DCDC1: variants seen among roughly 807,000 people sequenced by gnomAD.
The protein encoded by DCDC1 is doublecortin domain-containing protein 1.
Under a neutral mutation model 178.3 loss-of-function variants are expected in DCDC1, and 200 were observed. That is an observed-to-expected ratio of 1.12 (90% CI 1.00 to 1.26). DCDC1 has a LOEUF of 1.26. Among genes scored for constraint, DCDC1 ranks in the 50% most tolerant of loss-of-function variants. DCDC1 has a pLI of 0.00. For synonymous variants in DCDC1, 690 were observed against 604.8 expected (o/e 1.14, Z -2.07); for missense variants, 1,983 against 1,749.2 (o/e 1.13, Z -2.38).
intron 20 of DCDC1, among the ~76,000 whole-genome samples, chr11:31,059,836 T>G (rs1274072666): frequency 6.6e-6 from 1 of 152,112 alleles, no homozygotes; most frequent in African/African-American, 2.4e-5. Flanking sequence ...AGTACTCTTA[T>G]GCTACTGTAT....
In DCDC1 at chr11:31,100,722, C is replaced by T. The variant is rs138431244; in HGVS notation, c.1983+1455G>A. On this transcript the variant is annotated intron_variant, in intron 15 of 38. Coordinates refer to ENST00000684477, the MANE Select transcript of DCDC1 (RefSeq NM_001387274.1). The stretch of plus-strand genomic sequence containing the variant: ...GAAAATTGGAAAGGTAAGTTGAGAG[C>T]GGAGGTAGATTAGAGGAGAATCATG... 4.3e-3 allele frequency among the ~76,000 whole-genome samples: 649 copies of T among 152,096 alleles called. 3 individuals carry two copies. Among genetic ancestry groups the T allele is most frequent in the South Asian group, 0.018 (86 of 4,806 alleles).
At chr11:30,886,968 AT>A (rs1168415083) in intron 36 of DCDC1, among the ~76,000 whole-genome samples, 4 of 152,176 alleles carry the variant, frequency 2.6e-5, no homozygotes, top group African/African-American at 4.8e-5. Flanking sequence ...ACAGAAAAAA[AT>A]ATATAAATAA....
intron 20 of DCDC1, among the ~76,000 whole-genome samples, chr11:30,964,079 G>GT (rs1007934426): frequency 2.0e-5 from 3 of 151,932 alleles, no homozygotes; most frequent in Admixed American, 6.6e-5. Context: ...CTAAAAATAT[G>GT]TTTTTTTAAA....
At chr11:31,211,809 G>A (rs1294262628) in intron 9 of DCDC1, among the ~76,000 whole-genome samples, 1 of 152,046 alleles carries the variant, frequency 6.6e-6, no homozygotes, top group Non-Finnish European at 1.5e-5. Context: ...GCAGCCGGGC[G>A]CAGTGGCTCA....
At chr11:31,222,053 GTTTTGTT>G (rs533281622) in intron 9 of DCDC1, among the ~76,000 whole-genome samples, 37 of 151,872 alleles carry the variant, frequency 2.4e-4, no homozygotes, top group Non-Finnish European at 4.9e-4. Context: ...CTAGTTTTTT[GTTTTGTT>G]TTTTGTTTTT....
At chr11:31,306,746 A>T (rs1487458883) in intron 4 of DCDC1, among the ~76,000 whole-genome samples, 2 of 151,998 alleles carry the variant, frequency 1.3e-5, no homozygotes, top group African/African-American at 4.8e-5. Flanking sequence ...TGATAGCAAA[A>T]AATAGTAATA....
At chr11:30,876,002 T>C (rs545402246) in intron 38 of DCDC1, among the ~76,000 whole-genome samples, 14 of 152,154 alleles carry the variant, frequency 9.2e-5, no homozygotes, top group Non-Finnish European at 1.9e-4. Context: ...TAACACTTAA[T>C]CAGATTACGA....
At chr11:31,335,082 G>A (rs1411879876) in intron 2 of DCDC1, among the ~76,000 whole-genome samples, 2 of 152,156 alleles carry the variant, frequency 1.3e-5, no homozygotes, top group African/African-American at 4.8e-5. Context: ...CAGCTGCTTT[G>A]TTTACCTACT....
chr11:31,047,743 TAACTTAAAGACC>T (rs1301713031), intron 20 of DCDC1, among the ~76,000 whole-genome samples: 1 of 152,186 alleles, frequency 6.6e-6, no homozygotes, highest in Admixed American at 6.5e-5. Context: ...GGATTTTTTT[TAACTTAAAGACC>T]ACTGTAATAC....
At chr11:31,184,037 T>C (rs1201347143) in intron 9 of DCDC1, among the ~76,000 whole-genome samples, 1 of 152,128 alleles carries the variant, frequency 6.6e-6, no homozygotes, top group Non-Finnish European at 1.5e-5. Flanking sequence ...CCTCAAACTA[T>C]ACTACAAGGC....
At chr11:31,255,281 G>C (rs1479769683) in intron 8 of DCDC1, among the ~76,000 whole-genome samples, 1 of 152,090 alleles carries the variant, frequency 6.6e-6, no homozygotes, top group East Asian at 1.9e-4. Context: ...ACTTGTTTGA[G>C]TACCTGTTTT....
At chr11:30,958,915 G>A (rs1413783462) in intron 20 of DCDC1, among the ~76,000 whole-genome samples, 1 of 152,072 alleles carries the variant, frequency 6.6e-6, no homozygotes, top group East Asian at 1.9e-4. Context: ...AGGGGACCTT[G>A]GGGACATTTG....
chr11:31,180,861 C>T (rs967289946), intron 9 of DCDC1, among the ~76,000 whole-genome samples: 13 of 151,632 alleles, frequency 8.6e-5, no homozygotes, highest in African/African-American at 2.9e-4. Flanking sequence ...ACCAGTGAGA[C>T]AGAACTGTTC....
intron 9 of DCDC1, among the ~76,000 whole-genome samples, chr11:31,209,828 A>C (rs1308447301): frequency 1.3e-5 from 2 of 152,210 alleles, no homozygotes; most frequent in African/African-American, 2.4e-5. Context: ...AAGCAAGGAT[A>C]AAGGAACAAG....
At chr11:31,055,031 G>C (rs1955496088) in intron 20 of DCDC1, among the ~76,000 whole-genome samples, 1 of 152,088 alleles carries the variant, frequency 6.6e-6, no homozygotes, top group Non-Finnish European at 1.5e-5. Flanking sequence ...AAAAGGAACA[G>C]TCAGCAGAGT....
intron 2 of DCDC1, among the ~76,000 whole-genome samples, chr11:31,330,609 T>C (rs1263988187): frequency 2.6e-5 from 4 of 152,252 alleles, no homozygotes; most frequent in Non-Finnish European, 4.4e-5. Context: ...TTCAGCTTTC[T>C]ACATATGGCT....
chr11:30,898,593 G>T (rs959216365), intron 34 of DCDC1, among the ~76,000 whole-genome samples: 35 of 152,130 alleles, frequency 2.3e-4, no homozygotes, highest in African/African-American at 8.4e-4. Context: ...CATTGGTGTT[G>T]GGGTAGTATG....
At chr11:31,159,024 A>T (rs555131765) in intron 9 of DCDC1, among the ~76,000 whole-genome samples, 1 of 152,048 alleles carries the variant, frequency 6.6e-6, no homozygotes, top group Non-Finnish European at 1.5e-5. Flanking sequence ...ATACAAAAAA[A>T]CCCCAAAAAA....
At chr11:30,952,269 T>C (rs1948469777) in intron 21 of DCDC1, among the ~76,000 whole-genome samples, 176 bp downstream of exon 21, 1 of 152,186 alleles carries the variant, frequency 6.6e-6, no homozygotes, top group Non-Finnish European at 1.5e-5. Context: ...TTCATCTCCA[T>C]AATGGGAGAC....
Sources: allele counts gnomAD v4.1 joint callset (sites outside exome capture counted in the v4.1 genomes callset), GRCh38; gene constraint gnomAD v4.1.1; transcripts MANE v1.5; gene names NCBI Gene and HGNC (gene_info 2026-07-23, HGNC 2026-07-21).